The following PDILT variants were observed in gnomAD, a reference collection of about 807,000 sequenced individuals.
The protein encoded by PDILT is protein disulfide-isomerase-like protein of the testis.
In PDILT, 43 loss-of-function variants were observed where a neutral mutation model predicts 53.7. The observed-to-expected ratio is 0.80, with a 90% CI of 0.63 to 1.03. The LOEUF (loss-of-function observed/expected upper bound fraction) is 1.03. PDILT is among the 50% of genes least tolerant of loss of function. The pLI, the probability that PDILT is intolerant of heterozygous loss-of-function variation, is 0.00. For synonymous variants in PDILT, 282 were observed against 274.2 expected (o/e 1.03, Z -0.28); for missense variants, 727 against 712.3 (o/e 1.02, Z -0.24).
Position 20,372,852 on chromosome 16 carries a change from C to T in PDILT, c.868G>A (p.Gly290Ser), listed in dbSNP as rs753631150. The T allele has an allele frequency of 5.0e-6, 8 of 1,614,036 alleles. No homozygotes were observed. The South Asian group carries it at 8.8e-5, about 18-fold the overall frequency. ...AGCTTATAATGCTGAATTATGATACCATATGACTCGGAGCTTTTGGAGACA... is the reference window on the plus strand; with the variant it reads ...AGCTTATAATGCTGAATTATGATACTATATGACTCGGAGCTTTTGGAGACA... ...LFVSKSSESY[G>S]IIIQHYKLAS... Residue 290 changes from glycine (G) to serine (S), a missense_variant, in exon 7 of 12, where the codon GGT (glycine) becomes AGT (serine). By Grantham distance (56) the Gly-to-Ser change is moderately conservative. Coordinates refer to ENST00000302451, the MANE Select transcript of PDILT (RefSeq NM_174924.2).
chr16:20,399,205 G>A lies in PDILT; in HGVS notation c.96C>T (p.His32=). The change falls in exon 2 of 12, where the codon CAC becomes CAT. Residue 32 remains histidine (H), a synonymous_variant. Transcript: ENST00000302451. ...PEVNAGVSSI[H]ITKPVHILEE... is the part of the protein sequence containing the mutation. ...CCAGGATGTGCACAGGCTTGGTTAT[G>A]TGGATGCTGGAAACACCGGCGTTAA... 6.2e-7 allele frequency: 1 copy of A among 1,614,210 alleles called. No homozygotes were observed. The highest frequency in any genetic ancestry group is 8.5e-7 in the Non-Finnish European group (1 of 1,180,022).
Position 20,365,436 on chromosome 16 carries a change from G to T in PDILT, c.1221C>A (p.Asp407Glu), listed in dbSNP as rs774036878. The T allele has an allele frequency of 6.2e-7, 1 of 1,613,860 alleles. No homozygotes were observed. The highest frequency in any genetic ancestry group is 2.2e-5 in the East Asian group (1 of 44,876). Residue 407 changes from aspartate to glutamate, a missense_variant, in exon 9 of 12, where the codon GAC becomes GAA. Coordinates refer to ENST00000302451, the MANE Select transcript of PDILT (RefSeq NM_174924.2). ...FNVVVFDKEK[D>E]VFVMFYAPWS... Reference sequence around the variant, plus strand: ...GATACTTACAGAACATCACAAATACGTCCTTTTCTTTGTCAAAGACGACTA... The same window carrying T: ...GATACTTACAGAACATCACAAATACTTCCTTTTCTTTGTCAAAGACGACTA...
chr16:20,391,630 A>T (rs924759081), intron 2 of PDILT, among the ~76,000 whole-genome samples: 1 of 152,130 alleles, frequency 6.6e-6, no homozygotes, highest in African/African-American at 2.4e-5. Flanking sequence ...TTCATTTAAC[A>T]TCTATGGAAG....
At chr16:20,371,836 A>G (rs1181989202) in intron 7 of PDILT, among the ~76,000 whole-genome samples, 2 of 152,212 alleles carry the variant, frequency 1.3e-5, no homozygotes, top group African/African-American at 2.4e-5. Flanking sequence ...AATTGGAAAA[A>G]AAAAGACCCC....
intron 8 of PDILT, among the ~76,000 whole-genome samples, chr16:20,367,217 C>T (rs1966226068): frequency 6.6e-6 from 1 of 151,948 alleles, no homozygotes; most frequent in South Asian, 2.1e-4. Context: ...ATTCTCCTGC[C>T]TCAGCCTCCT....
intron 10 of PDILT, 126 bp downstream of exon 10, chr16:20,362,278 G>C (rs1280665599): frequency 2.1e-6 from 2 of 964,678 alleles, no homozygotes; most frequent in Non-Finnish European, 3.1e-6. Context: ...GTGAGAGGAT[G>C]GATAGTGGCT....
At chr16:20,387,117 G>T (rs972466001) in intron 2 of PDILT, among the ~76,000 whole-genome samples, 1 of 152,196 alleles carries the variant, frequency 6.6e-6, no homozygotes, top group Non-Finnish European at 1.5e-5. Flanking sequence ...GATATGCCAT[G>T]TGCCAGGCAC....
chr16:20,384,608 T>G, intron 3 of PDILT, 37 bp downstream of exon 3: 315 of 1,608,840 alleles, frequency 2.0e-4, no homozygotes, highest in Non-Finnish European at 2.5e-4. Flanking sequence ...GGACTTTCCA[T>G]GAGCATGAAA....
At position 20,383,970 on chromosome 16, in the gene PDILT, G is replaced by A. The variant is rs545789140; in HGVS notation, c.409+675C>T. Among the ~76,000 whole-genome samples the A allele has an allele frequency of 7.9e-5, 12 of 152,312 alleles. No homozygotes were observed. In the South Asian group the frequency reaches 2.3e-3, roughly 29 times the overall value. On this transcript the variant is annotated intron_variant, in intron 3 of 11. Coordinates refer to ENST00000302451, the MANE Select transcript of PDILT (RefSeq NM_174924.2). The stretch of plus-strand genomic sequence containing the variant: ...GGTAGCTTGTCAATAAATGGATGCT[G>A]AATAAATGAATGAACGAGTTAATCA...
At chr16:20,392,319 G>A (rs1031319546) in intron 2 of PDILT, among the ~76,000 whole-genome samples, 1 of 152,148 alleles carries the variant, frequency 6.6e-6, no homozygotes, top group Non-Finnish European at 1.5e-5. Flanking sequence ...GCTGAGGTCT[G>A]TCGTGGACAT....
rs1447696672 is a variant in PDILT, at chr16:20,400,036, ATCTATCTATCTATC to A, written c.-7-743_-7-730del. 2.0e-3 allele frequency among the ~76,000 whole-genome samples: 239 copies of A among 122,462 alleles called. 1 individual carries two copies. Among genetic ancestry groups the A allele is most frequent in the African/African-American group, 7.8e-3 (224 of 28,670 alleles). 80.3% of individuals were successfully genotyped at this position (122,462 alleles called of 152,430 possible). A position where few individuals can be genotyped will look rare whatever the true frequency, so the allele number is the denominator to read the frequency against. On this transcript the variant is annotated intron_variant, in intron 1 of 11. Coordinates refer to ENST00000302451, the MANE Select transcript of PDILT (RefSeq NM_174924.2). The stretch of plus-strand genomic sequence containing the variant: ...TCTCTATCTATCTATCTATCTATCT[ATCTATCTATCTATC>A]TATCTATATATATATATATATATTT...
intron 1 of PDILT, among the ~76,000 whole-genome samples, chr16:20,403,718 A>G (rs1475880111): frequency 3.3e-5 from 5 of 151,424 alleles, no homozygotes; most frequent in African/African-American, 1.2e-4. Flanking sequence ...ACACCAGCCA[A>G]ACTGTTCTCT....
At chr16:20,404,357 T>G (rs1260740863) in intron 1 of PDILT, 139 bp downstream of exon 1, 2 of 152,206 alleles carry the variant, frequency 1.3e-5, no homozygotes, top group African/African-American at 4.8e-5. Flanking sequence ...TTTTTTAAAA[T>G]CCTCAAGTTG....
At position 20,375,986 on chromosome 16, in the gene PDILT, AAG is replaced by A; in HGVS notation, c.543+80_543+81del. The A allele has an allele frequency of 1.9e-6, 3 of 1,538,764 alleles. No individual in the cohort carries two copies. In the Admixed American group the frequency reaches 6.0e-5, roughly 31 times the overall value. On this transcript the variant is annotated intron_variant, in intron 4 of 11. Transcript: ENST00000302451. ...GGAGAAAATTGGGCAATCAAAACGGAAGAGTCTCCTCACACCACCCCCTCCCA... is the reference window on the plus strand; with the variant it reads ...GGAGAAAATTGGGCAATCAAAACGGAAGTCTCCTCACACCACCCCCTCCCA...
chr16:20,396,832 A>G (rs1254834579), intron 2 of PDILT, among the ~76,000 whole-genome samples: 1 of 152,162 alleles, frequency 6.6e-6, no homozygotes, highest in Non-Finnish European at 1.5e-5. Flanking sequence ...GAGCCCACCC[A>G]TTGCCTGGCA....
chr16:20,402,114 C>A (rs1353092809), intron 1 of PDILT, among the ~76,000 whole-genome samples: 1 of 152,204 alleles, frequency 6.6e-6, no homozygotes, highest in Non-Finnish European at 1.5e-5. Context: ...AGTCTTAAAA[C>A]ATGTTAAGTA....
chr16:20,388,157 T>A (rs1317141880), intron 2 of PDILT, among the ~76,000 whole-genome samples: 1 of 152,134 alleles, frequency 6.6e-6, no homozygotes, highest in Non-Finnish European at 1.5e-5. Flanking sequence ...TATGGAAAGA[T>A]GATGATGATG....
chr16:20,388,325 T>A (rs867470593), intron 2 of PDILT, among the ~76,000 whole-genome samples: 14 of 152,176 alleles, frequency 9.2e-5, no homozygotes, highest in African/African-American at 3.4e-4. Flanking sequence ...GTGAGTTATC[T>A]GTGATTACAA....
In PDILT at chr16:20,374,858, G is replaced by A; in HGVS notation, c.645C>T (p.Phe215=). ...CCAGGACGCTGTCAAGGGTGACGTG[G>A]AAACGCCCAATGACATTGCCAATCG... ...VITIGNVIGR[F]HVTLDSVLVF... The change falls in exon 5 of 12, where the codon TTC becomes TTT. Residue 215 remains phenylalanine, a synonymous_variant. Transcript: ENST00000302451. 6.2e-7 allele frequency: 1 copy of A among 1,614,056 alleles called. No homozygotes were observed. Among genetic ancestry groups the A allele is most frequent in the Non-Finnish European group, 8.5e-7 (1 of 1,179,964 alleles).
Sources: allele counts gnomAD v4.1 joint callset (sites outside exome capture counted in the v4.1 genomes callset), GRCh38; gene constraint gnomAD v4.1.1; transcripts MANE v1.5; gene names NCBI Gene and HGNC (gene_info 2026-07-23, HGNC 2026-07-21).